NUDT9: variants seen among roughly 807,000 people sequenced by gnomAD.
NUDT9 encodes the protein nudix hydrolase 9.
NUDT9 carries 31 observed loss-of-function variants against 41.0 expected under a neutral mutation model. The observed-to-expected ratio is 0.76, with a 90% CI of 0.57 to 1.02. NUDT9 has a LOEUF of 1.02. NUDT9 is among the 50% of genes least tolerant of loss of function. The probability of loss-of-function intolerance (pLI) is 0.00; values close to 1 mark genes in which losing one functional copy is unlikely to be tolerated. For synonymous variants in NUDT9, 146 were observed against 147.6 expected (o/e 0.99, Z 0.08); for missense variants, 380 against 431.4 (o/e 0.88, Z 1.06).
At chr4:87,442,467 T>C (rs1722245468) in intron 4 of NUDT9, among the ~76,000 whole-genome samples, 1 of 152,222 alleles carries the variant, frequency 6.6e-6, no homozygotes, top group South Asian at 2.1e-4. Flanking sequence ...TTGTAGAGTT[T>C]ATAAACACTG....
intron 1 of NUDT9, among the ~76,000 whole-genome samples, chr4:87,425,135 C>A (rs1281559066): frequency 6.6e-6 from 1 of 151,814 alleles, no homozygotes; most frequent in Admixed American, 6.6e-5. Context: ...GCAGGAGGAT[C>A]GTGTGAGGCC....
chr4:87,448,138 A>ATTTTTTTTTTTTTTTTTTTTTTT (rs1213818782), intron 4 of NUDT9, among the ~76,000 whole-genome samples: 1 of 92,384 alleles, frequency 1.1e-5, no homozygotes, highest in Non-Finnish European at 2.0e-5. Context: ...TTAAAAGCAA[A>ATTTTTTTTTTTTTTTTTTTTTTT]TTTTTTTTTT....
intron 2 of NUDT9, among the ~76,000 whole-genome samples, chr4:87,437,308 AAT>A (rs1721985052): frequency 6.6e-6 from 1 of 151,518 alleles, no homozygotes; most frequent in African/African-American, 2.4e-5. Context: ...GCATGATACA[AAT>A]ATAGTAAAGT....
chr4:87,429,121 G>A (rs1228962071), intron 1 of NUDT9, among the ~76,000 whole-genome samples: 1 of 152,134 alleles, frequency 6.6e-6, no homozygotes, highest in African/African-American at 2.4e-5. Context: ...AGCAGTTCTT[G>A]TAAGTCAGGT....
At chr4:87,438,434 C>A in intron 3 of NUDT9, 62 bp downstream of exon 3, 1 of 899,186 alleles carries the variant, frequency 1.1e-6, no homozygotes, top group Non-Finnish European at 1.8e-6. Flanking sequence ...AAAGATAGTT[C>A]ATATTTATCA....
chr4:87,455,579 C>T (rs929635824), intron 7 of NUDT9, among the ~76,000 whole-genome samples: 17 of 151,166 alleles, frequency 1.1e-4, no homozygotes, highest in African/African-American at 4.1e-4. Flanking sequence ...TATTTGAGTT[C>T]GGTTTTAATA....
intron 1 of NUDT9, among the ~76,000 whole-genome samples, chr4:87,426,709 T>C (rs1002726120): frequency 5.3e-5 from 8 of 151,726 alleles, no homozygotes; most frequent in African/African-American, 1.4e-4. Flanking sequence ...GCGCCTGGCC[T>C]TAATGTTCTT....
chr4:87,447,555 T>C (rs1337699083), intron 4 of NUDT9, among the ~76,000 whole-genome samples: 1 of 151,546 alleles, frequency 6.6e-6, no homozygotes, highest in African/African-American at 2.4e-5. Flanking sequence ...GAGGTTGATA[T>C]GGAGGTGAGG....
At chr4:87,423,058 T>C (rs1301537569) in intron 1 of NUDT9, 46 bp downstream of exon 1, 1 of 1,472,814 alleles carries the variant, frequency 6.8e-7, no homozygotes, top group Non-Finnish European at 9.3e-7. Flanking sequence ...AGACCTTGAG[T>C]TGGGGGTGGG....
At chr4:87,442,175 A>G (rs1003170703) in intron 4 of NUDT9, among the ~76,000 whole-genome samples, 9 of 152,250 alleles carry the variant, frequency 5.9e-5, no homozygotes, top group African/African-American at 1.9e-4. Context: ...GCAATTGTAT[A>G]AGTAGTATAC....
At chr4:87,436,953 A>T (rs1257140330) in intron 2 of NUDT9, among the ~76,000 whole-genome samples, 2 of 152,160 alleles carry the variant, frequency 1.3e-5, no homozygotes, top group African/African-American at 2.4e-5. Context: ...GTCTGTTTAA[A>T]AATGTTTTTG....
intron 5 of NUDT9, among the ~76,000 whole-genome samples, chr4:87,450,355 T>A (rs906429267): frequency 6.6e-6 from 1 of 151,586 alleles, no homozygotes; most frequent in African/African-American, 2.4e-5. Context: ...GATAAAAGTT[T>A]AGGCTAATTT....
At chr4:87,452,006 C>G in intron 6 of NUDT9, among the ~76,000 whole-genome samples, 1 of 151,268 alleles carries the variant, frequency 6.6e-6, no homozygotes, top group African/African-American at 2.4e-5. Context: ...CTTAGTTTTT[C>G]TTTCTTTTTT....
In NUDT9 at chr4:87,435,200, G is replaced by A. The variant is rs773518933; in HGVS notation, c.327G>A (p.Arg109=). Residue 109 remains arginine, a synonymous_variant, in exon 2 of 8, where the codon AGG becomes AGA. Transcript: ENST00000302174. ...YTAVSVLAGP[R]WADPQISESN... ...CAGTCTCTGTCTTGGCTGGACCCAGGTGGGCAGATCCTCAGATCAGGTGAG... is the reference window on the plus strand; with the variant it reads ...CAGTCTCTGTCTTGGCTGGACCCAGATGGGCAGATCCTCAGATCAGGTGAG... 1.3e-5 allele frequency: 21 copies of A among 1,613,486 alleles called. No homozygotes were observed. The East Asian group carries it at 4.2e-4, about 33-fold the overall frequency.
intron 6 of NUDT9, 45 bp downstream of exon 6, chr4:87,451,780 T>A (rs751741103): frequency 6.5e-7 from 1 of 1,537,530 alleles, no homozygotes; most frequent in Non-Finnish European, 8.8e-7. Flanking sequence ...TGTGGATTGA[T>A]GAAAATGACT....
intron 1 of NUDT9, among the ~76,000 whole-genome samples, chr4:87,423,555 G>A (rs916645889): frequency 6.6e-6 from 1 of 151,894 alleles, no homozygotes; most frequent in Non-Finnish European, 1.5e-5. Flanking sequence ...TATTCTTTGA[G>A]TTAGTAAACA....
At chr4:87,441,945 C>T (rs1023287434) in intron 4 of NUDT9, 30 bp downstream of exon 4, 1 of 1,508,814 alleles carries the variant, frequency 6.6e-7, no homozygotes, top group African/African-American at 1.4e-5. Context: ...ATATCAGTAG[C>T]AAAGAGCTAA....
At position 87,454,513 on chromosome 4, in the gene NUDT9, C is replaced by G. The variant is rs1722903767; in HGVS notation, c.874+58C>G. 7 of 1,051,310 alleles carry G rather than the reference C, an allele frequency of 6.7e-6. No homozygotes were observed. In the South Asian group the frequency reaches 8.8e-5, roughly 13 times the overall value. 65.1% of individuals were successfully genotyped at this position (1,051,310 alleles called of 1,614,324 possible). On this transcript the variant is annotated intron_variant, in intron 7 of 7. Coordinates refer to ENST00000302174, the MANE Select transcript of NUDT9 (RefSeq NM_024047.5). ...AAAGGATCAATTTAAGCCATTAGCC[C>G]ACTAAGGCATGATTAAATCTGGACT...
chr4:87,452,250 G>T (rs767407349), intron 6 of NUDT9, among the ~76,000 whole-genome samples: 4 of 151,934 alleles, frequency 2.6e-5, no homozygotes, highest in African/African-American at 4.8e-5. Flanking sequence ...TTACCTGCCC[G>T]CCTCGGCCTC....
Sources: allele counts gnomAD v4.1 joint callset (sites outside exome capture counted in the v4.1 genomes callset), GRCh38; gene constraint gnomAD v4.1.1; transcripts MANE v1.5; gene names NCBI Gene and HGNC (gene_info 2026-07-23, HGNC 2026-07-21).